Variants in FRMD4B observed in about 807,000 individuals in gnomAD.
FRMD4B encodes the protein FERM domain containing 4B.
Under a neutral mutation model 141.5 loss-of-function variants are expected in FRMD4B, and 74 were observed. The observed-to-expected ratio is 0.52, with a 90% CI of 0.43 to 0.63. The LOEUF (loss-of-function observed/expected upper bound fraction) is 0.63, where lower values mean the gene tolerates loss of function less well. Among genes scored for constraint, FRMD4B ranks in the 30% least tolerant of loss-of-function variants. FRMD4B has a pLI of 0.00. For missense variants in FRMD4B, 1,366 were observed against 1,253.4 expected (o/e 1.09, Z -1.36); for synonymous variants, 506 against 467.9 (o/e 1.08, Z -1.05).
At chr3:69,294,977 A>G (rs1369433187) in intron 4 of FRMD4B, among the ~76,000 whole-genome samples, 1 of 152,246 alleles carries the variant, frequency 6.6e-6, no homozygotes, top group East Asian at 1.9e-4. Context: ...CAAATCTTTC[A>G]TATTCAAAGG....
chr3:69,300,718 C>A (rs1404540555), intron 4 of FRMD4B, among the ~76,000 whole-genome samples: 1 of 152,150 alleles, frequency 6.6e-6, no homozygotes, highest in Non-Finnish European at 1.5e-5. Context: ...ATGTTAGGTG[C>A]AACCTATTGG....
At position 69,171,899 on chromosome 3, in the gene FRMD4B, A is replaced by G; in HGVS notation, c.3067T>C (p.Phe1023Leu). 6.2e-7 allele frequency: 1 copy of G among 1,613,504 alleles called. No homozygotes were observed. The highest frequency in any genetic ancestry group is 8.5e-7 in the Non-Finnish European group (1 of 1,179,494). ...DNLESSEQRL[F>L]WHEDSKPGTL... ...CCAGGCTTTGAATCTTCATGCCAAA[A>G]GAGTCTCTGCTCACTACTCTCCAGG... Residue 1023 changes from phenylalanine (F) to leucine (L), a missense_variant, in exon 23 of 23, where the codon TTT becomes CTT. Coordinates refer to ENST00000398540, the MANE Select transcript of FRMD4B (RefSeq NM_015123.3).
At chr3:69,489,598 G>C (rs569085568) in intron 1 of FRMD4B, among the ~76,000 whole-genome samples, 1 of 152,298 alleles carries the variant, frequency 6.6e-6, no homozygotes, top group Admixed American at 6.5e-5. Flanking sequence ...TGTTGGCAAA[G>C]AGGTGGAAAG....
Position 69,250,290 on chromosome 3 carries a change from CGTGT to C in FRMD4B, c.502-195_502-192del, listed in dbSNP as rs10526962. 522 of 418,704 alleles carry C rather than the reference CGTGT, an allele frequency of 1.2e-3. 2 individuals are homozygous for C. Among genetic ancestry groups the C allele is most frequent in the African/African-American group, 9.6e-3 (482 of 50,198 alleles). 25.9% of individuals were successfully genotyped at this position (418,704 alleles called of 1,614,324 possible). A position where few individuals can be genotyped will look rare whatever the true frequency, so the allele number is the denominator to read the frequency against. Reference sequence around the variant, plus strand: ...GGTTAAGGCGAAACCACTGTGTGTGCGTGTGTGTGTGTGTGTGTGTGTGTGTGTC... The same window carrying C: ...GGTTAAGGCGAAACCACTGTGTGTGCGTGTGTGTGTGTGTGTGTGTGTGTC... On this transcript the variant is annotated intron_variant, in intron 5 of 22. Transcript: ENST00000398540.
intron 2 of FRMD4B, among the ~76,000 whole-genome samples, chr3:69,400,002 C>T (rs537770521): frequency 3.2e-4 from 49 of 152,170 alleles, no homozygotes; most frequent in Middle Eastern, 3.4e-3. Flanking sequence ...ATACCTGGCT[C>T]ATATTAGGTA....
chr3:69,253,546 CT>C lies in FRMD4B; in HGVS notation c.502-3448del, dbSNP rs1393842923. On this transcript the variant is annotated intron_variant, in intron 5 of 22. Transcript: ENST00000398540. ...GGATCAGTACTTCATGGAAACTTAT[CT>C]GTGCTACAGCAATGAATATTAATAC... Among the ~76,000 whole-genome samples, 3 of 152,246 alleles carry C rather than the reference CT, an allele frequency of 2.0e-5. No individual in the cohort carries two copies. In the East Asian group the frequency reaches 5.8e-4, roughly 29 times the overall value.
intron 1 of FRMD4B, among the ~76,000 whole-genome samples, chr3:69,493,837 T>C (rs1292295891): frequency 6.6e-6 from 1 of 152,210 alleles, no homozygotes; most frequent in African/African-American, 2.4e-5. Context: ...GGAAGGAGTA[T>C]GATACGTTTT....
chr3:69,250,205 G>T, intron 5 of FRMD4B, 106 bp from the exon 6 acceptor site: 1 of 809,140 alleles, frequency 1.2e-6, no homozygotes, highest in Non-Finnish European at 2.2e-6. Context: ...TCCAGTTTAC[G>T]ATCAAATGCA....
intron 1 of FRMD4B, among the ~76,000 whole-genome samples, chr3:69,453,962 TC>T (rs1208612497): frequency 1.3e-5 from 2 of 152,194 alleles, no homozygotes; most frequent in African/African-American, 4.8e-5. Context: ...CATTGATGTG[TC>T]CCCCGCACTG....
In FRMD4B at chr3:69,313,558, C is replaced by G. The variant is rs1477722377; in HGVS notation, c.163-41G>C. ...AGCAAGAGTGGTGTCAGGGCCACGG[C>G]TGGCAAGCAAACCTTTGGACTCGTT... On this transcript the variant is annotated intron_variant, in intron 1 of 22. Coordinates refer to ENST00000398540, the MANE Select transcript of FRMD4B (RefSeq NM_015123.3). The G allele has an allele frequency of 3.2e-6, 4 of 1,261,094 alleles. No individual in the cohort carries two copies. The Admixed American group carries it at 6.0e-5, about 19-fold the overall frequency. 78.1% of individuals were successfully genotyped at this position (1,261,094 alleles called of 1,614,324 possible). A position where few individuals can be genotyped will look rare whatever the true frequency, so the allele number is the denominator to read the frequency against.
At position 69,189,245 on chromosome 3, in the gene FRMD4B, A is replaced by AAAAG. The variant is rs1553696997; in HGVS notation, c.1771+650_1771+651insCTTT. Among the ~76,000 whole-genome samples the AAAAG allele has an allele frequency of 2.8e-3, 415 of 148,940 alleles. 2 individuals carry two copies. The highest frequency in any genetic ancestry group is 9.8e-3 in the African/African-American group (392 of 39,920). ...CTCAAAAAAAAAAAAAAAAAAAAAA[A>AAAAG]AGAGAGAGAGAGACAAGAAATGTAT... On this transcript the variant is annotated intron_variant, in intron 18 of 22. Transcript: ENST00000398540.
chr3:69,198,576 C>T, intron 12 of FRMD4B, 122 bp downstream of exon 12: 1 of 640,408 alleles, frequency 1.6e-6, no homozygotes, highest in Non-Finnish European at 2.8e-6. Context: ...CAATTCCATT[C>T]CTAGGTATAC....
Position 69,169,009 on chromosome 3 carries a change from A to C in FRMD4B, c.*2852T>G, listed in dbSNP as rs2092562102. On this transcript the variant is annotated 3_prime_UTR_variant, in exon 23 of 23. Transcript: ENST00000398540. ...GGCAGAAAACAAAACAAACAAAAAAAAATGTTGTAAAACTGTACTTGTAAT... is the reference window on the plus strand; with the variant it reads ...GGCAGAAAACAAAACAAACAAAAAACAATGTTGTAAAACTGTACTTGTAAT... Among the ~76,000 whole-genome samples, 1 of 144,272 alleles carries C rather than the reference A, an allele frequency of 6.9e-6. No individual in the cohort carries two copies. The highest frequency in any genetic ancestry group is 2.5e-5 in the African/African-American group (1 of 39,614). 94.6% of individuals were successfully genotyped at this position (144,272 alleles called of 152,430 possible).
At chr3:69,307,498 G>A (rs1307201366) in intron 3 of FRMD4B, among the ~76,000 whole-genome samples, 2 of 151,820 alleles carry the variant, frequency 1.3e-5, no homozygotes, top group East Asian at 1.9e-4. Flanking sequence ...CCACCACCAC[G>A]CCCAGCTAAT....
At chr3:69,338,631 T>A (rs1354774314) in intron 1 of FRMD4B, among the ~76,000 whole-genome samples, 2 of 152,020 alleles carry the variant, frequency 1.3e-5, no homozygotes, top group African/African-American at 2.4e-5. Context: ...GAGCTAAACA[T>A]TGAGTACACA....
intron 1 of FRMD4B, among the ~76,000 whole-genome samples, chr3:69,502,272 C>T (rs1216741554): frequency 6.6e-6 from 1 of 152,208 alleles, no homozygotes; most frequent in African/African-American, 2.4e-5. Context: ...CACTACCTGA[C>T]TTCAAACTAT....
At chr3:69,493,226 G>A (rs1281339033) in intron 1 of FRMD4B, among the ~76,000 whole-genome samples, 2 of 152,186 alleles carry the variant, frequency 1.3e-5, no homozygotes, top group Non-Finnish European at 2.9e-5. Context: ...CAAATTAAGA[G>A]GGGAGAGTAG....
At chr3:69,417,352 T>C (rs895031372) in intron 2 of FRMD4B, among the ~76,000 whole-genome samples, 12 of 152,222 alleles carry the variant, frequency 7.9e-5, no homozygotes, top group Non-Finnish European at 1.5e-4. Flanking sequence ...AAATGTCTTC[T>C]TTTGAGAAGT....
At chr3:69,281,589 G>C (rs2107012024) in intron 5 of FRMD4B, among the ~76,000 whole-genome samples, 2 of 152,082 alleles carry the variant, frequency 1.3e-5, no homozygotes, top group South Asian at 4.2e-4. Context: ...ACTTTGGGAG[G>C]CTGAGGCGGG....
Sources: gnomAD v4.1 joint callset for allele counts (sites outside exome capture counted in the v4.1 genomes callset) on GRCh38, gnomAD v4.1.1 for gene constraint, MANE v1.5 for transcripts, NCBI Gene and HGNC (gene_info 2026-07-23, HGNC 2026-07-21) for gene names.